The following TMEM232 variants were observed in gnomAD, a reference collection of about 807,000 sequenced individuals.
TMEM232 encodes the protein transmembrane protein 232.
Under a neutral mutation model 78.8 loss-of-function variants are expected in TMEM232, and 80 were observed. The observed-to-expected ratio is 1.01, with a 90% CI of 0.85 to 1.22. The LOEUF (loss-of-function observed/expected upper bound fraction) is 1.22, where lower values mean the gene tolerates loss of function less well. Ranked by LOEUF, TMEM232 falls within the 50% of genes most tolerant of loss-of-function variation. TMEM232 has a pLI of 0.00. For synonymous variants in TMEM232, 297 were observed against 254.3 expected, an observed-to-expected ratio of 1.17 and a Z score of -1.60; for missense variants, 881 against 742.2, an observed-to-expected ratio of 1.19 and a Z score of -2.17.
intron 1 of TMEM232, among the ~76,000 whole-genome samples, chr5:110,697,462 C>T (rs1411162641): frequency 6.6e-6 from 1 of 152,176 alleles, no homozygotes; most frequent in Admixed American, 6.5e-5. Flanking sequence ...TCTAATTAAA[C>T]TGAAGAGCTT....
Position 110,605,363 on chromosome 5 carries a change from A to T in TMEM232, c.1027-5T>A. 1 of 1,538,654 alleles carries T rather than the reference A, an allele frequency of 6.5e-7. No individual in the cohort carries two copies. Among genetic ancestry groups the T allele is most frequent in the Non-Finnish European group, 8.8e-7 (1 of 1,140,490 alleles). On this transcript the variant is annotated splice_polypyrimidine_tract_variant and splice_region_variant and intron_variant, in intron 9 of 13. Transcript: ENST00000455884. ...ATCTACCTTGCAACTTTCTTCCTGA[A>T]ATGAGAAAATAGATATTTGATCATC...
upstream of TMEM232, among the ~76,000 whole-genome samples, chr5:110,729,935 G>A (rs115844812): frequency 0.012 from 1,848 of 152,206 alleles, 47 homozygotes; most frequent in African/African-American, 0.042. Flanking sequence ...GCCTTCCAAC[G>A]CAATGACTGT....
At chr5:110,615,372 G>T (rs1386059095) in intron 8 of TMEM232, among the ~76,000 whole-genome samples, 1 of 151,946 alleles carries the variant, frequency 6.6e-6, no homozygotes, top group East Asian at 1.9e-4. Context: ...ACTTGTTATG[G>T]CATTACAAGT....
rs1434554970 is a variant in TMEM232, at chr5:110,522,280, A to G, written c.1703+6308T>C. Among the ~76,000 whole-genome samples, 12 of 152,170 alleles carry G rather than the reference A, an allele frequency of 7.9e-5. 1 individual carries two copies. The highest frequency in any genetic ancestry group is 7.2e-4 in the Admixed American group (11 of 15,282). On this transcript the variant is annotated intron_variant, in intron 12 of 13. Transcript: ENST00000455884. ...TTATTTGTTGACTCTGTATCCTGCA[A>G]CTTTACTGAATTCATTTATTACTTC...
intron 11 of TMEM232, among the ~76,000 whole-genome samples, chr5:110,547,146 T>C (rs1264667790): frequency 2.0e-5 from 3 of 152,172 alleles, no homozygotes; most frequent in South Asian, 4.1e-4. Flanking sequence ...TTTTTACCTA[T>C]AGAGCAAAGG....
At chr5:110,574,294 TAA>T (rs1405556696) in intron 10 of TMEM232, among the ~76,000 whole-genome samples, 1 of 152,042 alleles carries the variant, frequency 6.6e-6, no homozygotes, top group African/African-American at 2.4e-5. Flanking sequence ...CTATGGAATA[TAA>T]GAGGGAAGCA....
Position 110,420,761 on chromosome 5 carries a change from TACAG to T in TMEM232, c.1798-9_1798-6del, listed in dbSNP as rs1287466203. 1.7e-5 allele frequency: 25 copies of T among 1,509,980 alleles called. No individual in the cohort carries two copies. In the Middle Eastern group the frequency reaches 6.7e-4, roughly 41 times the overall value. The allele number at this position is 1,509,980 out of a possible 1,614,324, so 93.5% of individuals were successfully genotyped here. A position where few individuals can be genotyped will look rare whatever the true frequency, so the allele number is the denominator to read the frequency against. Reference sequence around the variant, plus strand: ...GATCTTTAGCTCTTCCTGCCACTGTTACAGAGAGAAAACGTCATTCACATGATTT... The same window carrying T: ...GATCTTTAGCTCTTCCTGCCACTGTTAGAGAAAACGTCATTCACATGATTT... On this transcript the variant is annotated splice_polypyrimidine_tract_variant and splice_region_variant and intron_variant, in intron 13 of 13. Transcript: ENST00000455884.
intron 2 of TMEM232, among the ~76,000 whole-genome samples, chr5:110,651,462 G>A (rs896228660): frequency 6.6e-6 from 1 of 151,452 alleles, no homozygotes; most frequent in African/African-American, 2.4e-5. Flanking sequence ...GAAAGGGAAA[G>A]GGAAAGAGGG....
At chr5:110,601,437 A>G in intron 10 of TMEM232, among the ~76,000 whole-genome samples, 1 of 152,192 alleles carries the variant, frequency 6.6e-6, no homozygotes, top group East Asian at 1.9e-4. Context: ...TCAAGCTGAT[A>G]AACAACTTCA....
rs566331617 is a variant in TMEM232 at position 110,453,543 on chromosome 5, C to T, written c.1704-28627G>A. 2.5e-3 allele frequency among the ~76,000 whole-genome samples: 375 copies of T among 152,150 alleles called. 1 individual carries two copies. The highest frequency in any genetic ancestry group is 4.1e-3 in the Non-Finnish European group (277 of 68,006). On this transcript the variant is annotated intron_variant, in intron 12 of 13. Coordinates refer to ENST00000455884, the MANE Select transcript of TMEM232 (RefSeq NM_001039763.4). ...TCTTGATCTCCTGGACCTCATGATCCGCCTGCCTCTGCCATGCAAAGTGCT... is the reference window on the plus strand; with the variant it reads ...TCTTGATCTCCTGGACCTCATGATCTGCCTGCCTCTGCCATGCAAAGTGCT...
At chr5:110,722,328 A>G (rs146040922) in intron 1 of TMEM232, among the ~76,000 whole-genome samples, 380 of 152,296 alleles carry the variant, frequency 2.5e-3, no homozygotes, top group African/African-American at 8.8e-3. Flanking sequence ...ATGGCTGGGT[A>G]TAACTGGCTC....
intron 12 of TMEM232, among the ~76,000 whole-genome samples, chr5:110,452,829 G>A (rs1760467036): frequency 6.6e-6 from 1 of 152,212 alleles, no homozygotes; most frequent in South Asian, 2.1e-4. Flanking sequence ...TGCCAAACGT[G>A]TTTGTCATTC....
At position 110,503,371 on chromosome 5, in the gene TMEM232, TGAGAA is replaced by T. The variant is rs59489400; in HGVS notation, c.1703+25212_1703+25216del. Among the ~76,000 whole-genome samples, 1,129 of 152,254 alleles carry T rather than the reference TGAGAA, an allele frequency of 7.4e-3. 10 individuals carry two copies. Among genetic ancestry groups the T allele is most frequent in the African/African-American group, 0.026 (1,087 of 41,536 alleles). Reference sequence around the variant, plus strand: ...ATCCAAGAATGAATTTTCAATTTACTGAGAAAATAATGAGGTGGGCAGGTTTGGGT... The same window carrying T: ...ATCCAAGAATGAATTTTCAATTTACTAATAATGAGGTGGGCAGGTTTGGGT... On this transcript the variant is annotated intron_variant, in intron 12 of 13. Transcript: ENST00000455884.
chr5:110,520,807 G>A (rs1212212868), intron 12 of TMEM232, among the ~76,000 whole-genome samples: 3 of 152,056 alleles, frequency 2.0e-5, no homozygotes, highest in Non-Finnish European at 1.5e-5. Flanking sequence ...AATCCCAGCT[G>A]CTCAGGAGGC....
At chr5:110,409,760 A>G (rs1324521092) in intron 2 of TMEM232, among the ~76,000 whole-genome samples, 8 of 151,884 alleles carry the variant, frequency 5.3e-5, no homozygotes, top group Non-Finnish European at 1.0e-4. Context: ...TTTAGCTATA[A>G]TTGAAAGATT....
chr5:110,697,229 A>T (rs938512851), intron 1 of TMEM232, among the ~76,000 whole-genome samples: 10 of 152,234 alleles, frequency 6.6e-5, no homozygotes, highest in African/African-American at 2.4e-4. Context: ...TGGTGCTGGG[A>T]AAACTGGCTA....
At chr5:110,403,340 C>T (rs1043674629) in intron 2 of TMEM232, among the ~76,000 whole-genome samples, 2 of 152,100 alleles carry the variant, frequency 1.3e-5, no homozygotes, top group Non-Finnish European at 2.9e-5. Context: ...CCATCACTCT[C>T]AGCTAGATAA....
chr5:110,560,071 G>T (rs1581214276), intron 11 of TMEM232, among the ~76,000 whole-genome samples: 1 of 152,204 alleles, frequency 6.6e-6, no homozygotes, highest in African/African-American at 2.4e-5. Flanking sequence ...TTCCAAATAT[G>T]ATTCATATTC....
chr5:110,679,112 C>T (rs556001047), intron 1 of TMEM232, among the ~76,000 whole-genome samples: 1 of 152,102 alleles, frequency 6.6e-6, no homozygotes, highest in Non-Finnish European at 1.5e-5. Context: ...AAATTGTCTT[C>T]CAAAGTGGCC....
Sources: allele counts gnomAD v4.1 joint callset (sites outside exome capture counted in the v4.1 genomes callset), GRCh38; gene constraint gnomAD v4.1.1; transcripts MANE v1.5; gene names NCBI Gene and HGNC (gene_info 2026-07-23, HGNC 2026-07-21).